The following SGO1 variants were observed in gnomAD, a reference collection of about 807,000 sequenced individuals.
SGO1 encodes the protein shugoshin 1.
SGO1 carries 39 observed loss-of-function variants against 50.5 expected under a neutral mutation model. That is an observed-to-expected ratio of 0.77 (90% confidence interval 0.60 to 1.01). SGO1 has a LOEUF of 1.01. Among genes scored for constraint, SGO1 ranks in the 50% least tolerant of loss-of-function variants. SGO1 has a pLI of 0.00. For missense variants in SGO1, 638 were observed against 606.0 expected (o/e 1.05, Z -0.55); for synonymous variants, 191 against 205.1 (o/e 0.93, Z 0.59).
chr3:20,186,608 GC>G (rs1170644831), upstream of SGO1: 1 of 152,270 alleles, frequency 6.6e-6, no homozygotes. Context: ...CACGGAAGCA[GC>G]TTTTAGAGGA....
Position 20,174,829 on chromosome 3 carries a change from G to A in SGO1, c.702C>T (p.Asn234=). 1.2e-6 allele frequency: 2 copies of A among 1,614,078 alleles called. No homozygotes were observed. The highest frequency in any genetic ancestry group is 1.7e-6 in the Non-Finnish European group (2 of 1,180,014). ...ERVGFLDPLV[N]MHIPENVQHN... ...GTTGTACATTTTCAGGTATGTGCAT[G>A]TTTACTAGTGGGTCTAAAAATCCAA... Residue 234 remains asparagine, a synonymous_variant, in exon 6 of 8, where the codon AAC becomes AAT. Coordinates refer to ENST00000412997, the MANE Select transcript of SGO1 (RefSeq NM_001199251.3).
chr3:20,179,092 G>T (rs1423565316), intron 3 of SGO1, among the ~76,000 whole-genome samples: 1 of 152,168 alleles, frequency 6.6e-6, no homozygotes, highest in Non-Finnish European at 1.5e-5. Flanking sequence ...CAAGCTCAAG[G>T]ACTGAAAAGG....
chr3:20,182,717 G>T (rs183080127), intron 3 of SGO1, among the ~76,000 whole-genome samples: 35 of 152,170 alleles, frequency 2.3e-4, no homozygotes, highest in Non-Finnish European at 2.9e-5. Context: ...GACACAAAGA[G>T]AATCAGATTA....
At chr3:20,180,968 A>C (rs59445378) in intron 3 of SGO1, among the ~76,000 whole-genome samples, 40,009 of 152,000 alleles carry the variant, frequency 0.26, 5,238 homozygotes, top group African/African-American at 0.27. Flanking sequence ...CTCTACCCCC[A>C]ACAAAAAAAT....
chr3:20,160,902 C>A, exon 9 of SGO1: 1 of 595,158 alleles, frequency 1.7e-6, no homozygotes, highest in Non-Finnish European at 2.7e-6. Context: ...TCAACACGTA[C>A]TGATTCCTCG....
chr3:20,175,075 A>G lies in SGO1; in HGVS notation c.476-20T>C. ...TCTGATCTGAGAATTTAAAAAATAAATGAGAAAAGTAGTTTTACTTTGTGG... is the reference window on the plus strand; with the variant it reads ...TCTGATCTGAGAATTTAAAAAATAAGTGAGAAAAGTAGTTTTACTTTGTGG... On this transcript the variant is annotated intron_variant, in intron 5 of 7. Transcript: ENST00000412997. 1 of 1,388,776 alleles carries G rather than the reference A, an allele frequency of 7.2e-7. No homozygotes were observed. Among genetic ancestry groups the G allele is most frequent in the Non-Finnish European group, 9.4e-7 (1 of 1,063,702 alleles). The allele number at this position is 1,388,776 out of a possible 1,614,324, so 86.0% of individuals were successfully genotyped here.
chr3:20,183,270 C>G (rs1457966100), intron 3 of SGO1, among the ~76,000 whole-genome samples: 1 of 152,158 alleles, frequency 6.6e-6, no homozygotes, highest in Non-Finnish European at 1.5e-5. Context: ...CTTCAACTAC[C>G]ACTTTTACAT....
intron 8 of SGO1, among the ~76,000 whole-genome samples, chr3:20,162,263 A>G (rs993452872): frequency 1.3e-5 from 2 of 152,230 alleles, no homozygotes; most frequent in African/African-American, 4.8e-5. Context: ...TTGTGAGCCA[A>G]ACAACACTCA....
chr3:20,180,337 G>A (rs1199005120), intron 3 of SGO1, among the ~76,000 whole-genome samples: 1 of 152,086 alleles, frequency 6.6e-6, no homozygotes, highest in Non-Finnish European at 1.5e-5. Flanking sequence ...AGGAAGTGAA[G>A]AATATACTGT....
intron 3 of SGO1, among the ~76,000 whole-genome samples, chr3:20,182,980 T>G (rs1702198767): frequency 6.6e-6 from 1 of 151,776 alleles, no homozygotes; most frequent in Admixed American, 6.6e-5. Flanking sequence ...ATCGCGCCAC[T>G]GCACTCTAGC....
chr3:20,169,404 GAA>G, downstream of SGO1: 1 of 984,882 alleles, frequency 1.0e-6, no homozygotes, highest in South Asian at 4.7e-5. Flanking sequence ...GAGGGGAGAG[GAA>G]ATGTCCAAGG....
chr3:20,183,950 C>G lies in SGO1; in HGVS notation c.78G>C (p.Arg26Ser). 1 of 1,612,710 alleles carries G rather than the reference C, an allele frequency of 6.2e-7. No individual in the cohort carries two copies. Among genetic ancestry groups the G allele is most frequent in the Non-Finnish European group, 8.5e-7 (1 of 1,179,632 alleles). Residue 26 changes from arginine (R) to serine (S), a missense_variant, in exon 2 of 8, where the codon AGG (arginine) becomes AGC (serine). By Grantham distance (110) the Arg-to-Ser change is moderately radical (BLOSUM62 -1). Coordinates refer to ENST00000412997, the MANE Select transcript of SGO1 (RefSeq NM_001199251.3). ...TGCCAATCTCTGCCAAGTTTTTATTCCTTTTCTCTTTCATTCGCTTCTTTA... is the reference window on the plus strand; with the variant it reads ...TGCCAATCTCTGCCAAGTTTTTATTGCTTTTCTCTTTCATTCGCTTCTTTA... ...EDIKKRMKEKRNKNLAEIGKR... is the reference protein window; with the variant it reads ...EDIKKRMKEKSNKNLAEIGKR...
chr3:20,176,521 A>T, intron 5 of SGO1, 80 bp downstream of exon 5: 1 of 849,620 alleles, frequency 1.2e-6, no homozygotes, highest in Non-Finnish European at 1.8e-6. Context: ...AAAAAGAATT[A>T]GATAAATTTA....
At chr3:20,167,348 T>C (rs1051467732), downstream of SGO1, among the ~76,000 whole-genome samples, 2 of 152,182 alleles carry the variant, frequency 1.3e-5, no homozygotes, top group African/African-American at 4.8e-5. Flanking sequence ...TGGTAGACGA[T>C]ACTAATATTT....
At chr3:20,169,366 C>CG (rs145012891), downstream of SGO1, 603 of 984,584 alleles carry the variant, frequency 6.1e-4, 4 homozygotes, top group African/African-American at 9.4e-3. Flanking sequence ...CTAGAACACC[C>CG]CCCCCTCAAA....
chr3:20,176,664 G>C lies in SGO1; in HGVS notation c.417-5C>G. 6.5e-7 allele frequency: 1 copy of C among 1,548,340 alleles called. No homozygotes were observed. ...GTTTCTTCAAGAGGAATTTGCCTTA[G>C]AAAATACCAATGAAAAACAGAAATT... On this transcript the variant is annotated splice_polypyrimidine_tract_variant and splice_region_variant and intron_variant, in intron 4 of 7. Transcript: ENST00000412997.
chr3:20,178,393 C>T (rs6550402), intron 3 of SGO1, 46 bp from the exon 4 acceptor site: 691,827 of 1,335,708 alleles, frequency 0.52, 188,977 homozygotes, highest in East Asian at 0.97. Context: ...GAAGTATTCA[C>T]AAGAAAGCAT....
Position 20,183,684 on chromosome 3 carries a change from T to C in SGO1, c.263A>G (p.Glu88Gly). The C allele has an allele frequency of 6.2e-7, 1 of 1,612,644 alleles. No homozygotes were observed. The highest frequency in any genetic ancestry group is 8.5e-7 in the Non-Finnish European group (1 of 1,179,636). ...TAGCTGACATGTGAGATAGTAACATTCTTTTCTCAGCTGTAGGATGATATC... is the reference window on the plus strand; with the variant it reads ...TAGCTGACATGTGAGATAGTAACATCCTTTTCTCAGCTGTAGGATGATATC... Reference protein sequence around the residue: ...AQDIILQLRKECYYLTCQLYA... With the variant: ...AQDIILQLRKGCYYLTCQLYA... Residue 88 changes from glutamate to glycine, a missense_variant, in exon 3 of 8, where the codon GAA becomes GGA. Physicochemically the swap from Glu to Gly is moderately conservative, Grantham distance 98. Transcript: ENST00000412997.
chr3:20,175,321 A>G (rs1701258978), intron 5 of SGO1, among the ~76,000 whole-genome samples: 1 of 152,146 alleles, frequency 6.6e-6, no homozygotes, highest in Non-Finnish European at 1.5e-5. Flanking sequence ...GAAATCCAAA[A>G]CTTTTTTAGT....
Sources: allele counts gnomAD v4.1 joint callset (sites outside exome capture counted in the v4.1 genomes callset), GRCh38; gene constraint gnomAD v4.1.1; transcripts MANE v1.5; gene names NCBI Gene and HGNC (gene_info 2026-07-23, HGNC 2026-07-21).